The following ALG9 variants were observed in gnomAD, a reference collection of about 807,000 sequenced individuals.
The protein encoded by ALG9 is alpha-1,2-mannosyltransferase ALG9.
In ALG9, 55 loss-of-function variants were observed where a neutral mutation model predicts 81.8. The observed-to-expected ratio is 0.67, with a 90% CI of 0.54 to 0.84. The LOEUF is 0.84. Among genes scored for constraint, ALG9 ranks in the 40% least tolerant of loss-of-function variants. The pLI is 0.00. For missense variants in ALG9, 629 were observed against 745.0 expected (o/e 0.84, Z 1.81); for synonymous variants, 278 against 274.3 (o/e 1.01, Z -0.13).
At chr11:111,789,054 G>T (rs1037585754) in intron 14 of ALG9, among the ~76,000 whole-genome samples, 1 of 151,434 alleles carries the variant, frequency 6.6e-6, no homozygotes, top group African/African-American at 2.4e-5. Context: ...TTTTGCCCAG[G>T]CTGGCCTTGA....
At chr11:111,826,537 G>A (rs183130438) in intron 13 of ALG9, among the ~76,000 whole-genome samples, 6 of 151,628 alleles carry the variant, frequency 4.0e-5, no homozygotes. Flanking sequence ...ATTTTTTTCA[G>A]ACAGAGTCTC....
Position 111,868,614 on chromosome 11 carries a change from T to C in ALG9, c.393A>G (p.Leu131=). The part of the protein sequence containing the change: ...AWPAAFHARI[L]QTNKILVFYF... ...GGTCTGCCCTTACCTTATTAGTTTG[T>C]AGAATTCTTGCATGAAATGCAGCTG... Residue 131 remains leucine (L), a synonymous_variant, in exon 3 of 15, where the codon CTA becomes CTG. Coordinates refer to ENST00000616540, the MANE Select transcript of ALG9 (RefSeq NM_024740.2). 3 of 1,614,044 alleles carry C rather than the reference T, an allele frequency of 1.9e-6. No individual in the cohort carries two copies. The highest frequency in any genetic ancestry group is 2.5e-6 in the Non-Finnish European group (3 of 1,179,870).
chr11:111,816,498 C>G (rs1951501946), intron 13 of ALG9, among the ~76,000 whole-genome samples: 1 of 152,140 alleles, frequency 6.6e-6, no homozygotes, highest in South Asian at 2.1e-4. Context: ...AATCTTCCTA[C>G]CTCAGCTTCC....
intron 14 of ALG9, among the ~76,000 whole-genome samples, chr11:111,789,598 T>C (rs782474476): frequency 7.3e-5 from 11 of 151,234 alleles, no homozygotes. Flanking sequence ...TCCCAGCACT[T>C]TGGGAGGCTG....
intron 9 of ALG9, among the ~76,000 whole-genome samples, chr11:111,844,386 A>T (rs1956662459): frequency 6.6e-6 from 1 of 152,228 alleles, no homozygotes; most frequent in African/African-American, 2.4e-5. Flanking sequence ...AGCAATAATA[A>T]AGCTCTTCCT....
intron 14 of ALG9, among the ~76,000 whole-genome samples, chr11:111,797,087 C>T (rs1034890382): frequency 1.3e-5 from 2 of 152,160 alleles, no homozygotes; most frequent in African/African-American, 2.4e-5. Flanking sequence ...GGATGGAGAA[C>T]GGCATTGCAA....
downstream of ALG9, among the ~76,000 whole-genome samples, chr11:111,777,330 A>T (rs782212877): frequency 1.1e-4 from 16 of 152,260 alleles, no homozygotes; most frequent in Non-Finnish European, 2.2e-4. Context: ...ATAGCAATAC[A>T]AGAGTGCAAT....
At chr11:111,820,328 C>T (rs1457323878) in intron 13 of ALG9, among the ~76,000 whole-genome samples, 1 of 152,148 alleles carries the variant, frequency 6.6e-6, no homozygotes, top group Non-Finnish European at 1.5e-5. Context: ...CTGATGAGTA[C>T]AAAATCAAGG....
At chr11:111,777,956 G>C (rs1334330629), downstream of ALG9, among the ~76,000 whole-genome samples, 1 of 152,206 alleles carries the variant, frequency 6.6e-6, no homozygotes, top group African/African-American at 2.4e-5. Flanking sequence ...TGAGGGCAGT[G>C]GCAGCAGCTC....
At position 111,869,676 on chromosome 11, in the gene ALG9, G is replaced by T. The variant is rs373444447; in HGVS notation, c.270+556C>A. ...GCCTTCAATAGCAGGTAAATCATCC[G>T]CTTAGAATACAAAAGTGAAAACATG... On this transcript the variant is annotated intron_variant, in intron 2 of 14. Transcript: ENST00000616540. Among the ~76,000 whole-genome samples, 76 of 152,148 alleles carry T rather than the reference G, an allele frequency of 5.0e-4. 1 individual carries two copies. The highest frequency in any genetic ancestry group is 1.7e-3 in the African/African-American group (72 of 41,506).
chr11:111,870,448 T>C (rs1029306292), intron 1 of ALG9, 78 bp from the exon 2 acceptor site: 291 of 1,457,632 alleles, frequency 2.0e-4, no homozygotes, highest in Non-Finnish European at 2.4e-4. Context: ...TAAATCTAGA[T>C]AGAAAGGACA....
chr11:111,829,580 C>A (rs930674276), intron 13 of ALG9, among the ~76,000 whole-genome samples: 1 of 152,142 alleles, frequency 6.6e-6, no homozygotes, highest in African/African-American at 2.4e-5. Flanking sequence ...CAATTTAATA[C>A]CACTCCAGAT....
downstream of ALG9, among the ~76,000 whole-genome samples, chr11:111,779,465 C>A (rs1267768557): frequency 6.6e-6 from 1 of 152,010 alleles, no homozygotes; most frequent in East Asian, 1.9e-4. Flanking sequence ...GTTGGGACCA[C>A]CAAGAAGTTG....
intron 9 of ALG9, among the ~76,000 whole-genome samples, chr11:111,843,009 T>C (rs1956453555): frequency 6.6e-6 from 1 of 152,180 alleles, no homozygotes; most frequent in Non-Finnish European, 1.5e-5. Flanking sequence ...GGTCTCGAAC[T>C]CCTGGGCTCA....
chr11:111,818,449 G>A (rs1951843112), intron 13 of ALG9, among the ~76,000 whole-genome samples: 1 of 152,212 alleles, frequency 6.6e-6, no homozygotes, highest in African/African-American at 2.4e-5. Context: ...GCACACAACT[G>A]TAACTGAAAG....
At chr11:111,866,390 C>T (rs782746080) in intron 3 of ALG9, among the ~76,000 whole-genome samples, 1 of 152,112 alleles carries the variant, frequency 6.6e-6, no homozygotes, top group Non-Finnish European at 1.5e-5. Flanking sequence ...AGAGATAATA[C>T]AAAGGTGCTT....
intron 2 of ALG9, among the ~76,000 whole-genome samples, chr11:111,869,013 T>C (rs1555156004): frequency 1.3e-5 from 2 of 151,708 alleles, no homozygotes; most frequent in Non-Finnish European, 2.9e-5. Flanking sequence ...TCCCAGCTAC[T>C]TGGAAGGCTA....
the ALG9 span, among the ~76,000 whole-genome samples, chr11:111,772,122 C>T: frequency 1.3e-5 from 2 of 152,130 alleles, no homozygotes; most frequent in Non-Finnish European, 2.9e-5. Flanking sequence ...AAGAGCAAAT[C>T]AAAGAAATAG....
chr11:111,831,359 G>A (rs1159698317), intron 13 of ALG9, among the ~76,000 whole-genome samples: 2 of 152,036 alleles, frequency 1.3e-5, no homozygotes, highest in African/African-American at 4.8e-5. Flanking sequence ...ATAGAGACAG[G>A]GTCTTTACAG....
Sources: gnomAD v4.1 joint callset for allele counts (sites outside exome capture counted in the v4.1 genomes callset) on GRCh38, gnomAD v4.1.1 for gene constraint, MANE v1.5 for transcripts, NCBI Gene and HGNC (gene_info 2026-07-23, HGNC 2026-07-21) for gene names.